Variants in GOLM2 observed in about 807,000 individuals in gnomAD.
GOLM2 encodes the protein protein GOLM2.
GOLM2 carries 26 observed loss-of-function variants against 55.9 expected under a neutral mutation model. The ratio of observed to expected loss-of-function variants is 0.47; its 90% CI spans 0.34 to 0.65. GOLM2 has a LOEUF of 0.65. Among genes scored for constraint, GOLM2 ranks in the 30% least tolerant of loss-of-function variants. The pLI is 0.01. For synonymous variants in GOLM2, 165 were observed against 194.6 expected, an observed-to-expected ratio of 0.85 and a Z score of 1.27; for missense variants, 486 against 531.8, an observed-to-expected ratio of 0.91 and a Z score of 0.85.
intron 6 of GOLM2, among the ~76,000 whole-genome samples, chr15:44,360,356 A>T (rs2079228939): frequency 6.6e-6 from 1 of 152,214 alleles, no homozygotes; most frequent in African/African-American, 2.4e-5. Flanking sequence ...GCATGGAGAA[A>T]GATCTACCAA....
intron 6 of GOLM2, among the ~76,000 whole-genome samples, chr15:44,341,676 C>T (rs1439790505): frequency 1.3e-5 from 2 of 149,644 alleles, no homozygotes; most frequent in African/African-American, 4.9e-5. Context: ...AAAAAGTACA[C>T]AACAATTTTA....
intron 6 of GOLM2, chr15:44,355,554 T>C: frequency 6.1e-6 from 1 of 163,854 alleles, no homozygotes; most frequent in South Asian, 1.4e-4. Flanking sequence ...ACGGTGACAC[T>C]CCCTCTTCCA....
chr15:44,333,862 C>G (rs1356629651), intron 4 of GOLM2, among the ~76,000 whole-genome samples: 1 of 152,018 alleles, frequency 6.6e-6, no homozygotes, highest in Non-Finnish European at 1.5e-5. Context: ...ACTACAGGCA[C>G]CTGCCACCAC....
chr15:44,288,991 C>T lies in GOLM2; in HGVS notation c.-39C>T, dbSNP rs2078700271. 3.2e-6 allele frequency: 5 copies of T among 1,556,616 alleles called. No homozygotes were observed. The African/African-American group carries it at 6.8e-5, about 21-fold the overall frequency. The stretch of plus-strand genomic sequence containing the variant: ...GGCCTGGGCTTCTGCCTGCAGGTGT[C>T]TGCGGCGAGGCCCCTAGGGTACAGC... On this transcript the variant is annotated 5_prime_UTR_variant, in exon 1 of 10. Coordinates refer to ENST00000299957, the MANE Select transcript of GOLM2 (RefSeq NM_138423.4).
chr15:44,338,449 C>A, intron 6 of GOLM2, 132 bp downstream of exon 6: 1 of 641,688 alleles, frequency 1.6e-6, no homozygotes, highest in Non-Finnish European at 2.5e-6. Context: ...TAATTAAGTA[C>A]CCATTAATTG....
At position 44,288,844 on chromosome 15, in the gene GOLM2, G is replaced by T; in HGVS notation, c.-186G>T. The T allele has an allele frequency of 5.0e-6, 3 of 595,004 alleles. 1 individual carries two copies. The South Asian group carries it at 6.1e-5, about 12-fold the overall frequency. The allele number at this position is 595,004 out of a possible 1,614,324, so 36.9% of individuals were successfully genotyped here. ...ACGCGTTTTGGCCTGATTTGAGGAG[G>T]GGGGCGGGGAGGGACCTGCGGCTTG... On this transcript the variant is annotated 5_prime_UTR_variant, in exon 1 of 10. Coordinates refer to ENST00000299957, the MANE Select transcript of GOLM2 (RefSeq NM_138423.4).
intron 6 of GOLM2, among the ~76,000 whole-genome samples, chr15:44,343,931 G>A (rs1231110129): frequency 6.6e-6 from 1 of 151,886 alleles, no homozygotes; most frequent in Non-Finnish European, 1.5e-5. Flanking sequence ...AGAAATTATG[G>A]TAGAGCAATG....
intron 6 of GOLM2, among the ~76,000 whole-genome samples, chr15:44,377,447 T>C (rs552015648): frequency 9.2e-5 from 14 of 152,338 alleles, no homozygotes; most frequent in Admixed American, 6.5e-5. Flanking sequence ...CTTGGCTCAT[T>C]GCAACCTCCA....
At chr15:44,367,684 A>G (rs1017814849) in intron 6 of GOLM2, among the ~76,000 whole-genome samples, 6 of 151,568 alleles carry the variant, frequency 4.0e-5, no homozygotes, top group African/African-American at 1.5e-4. Flanking sequence ...AGTCCCAGCT[A>G]CTCGTGAGGC....
intron 6 of GOLM2, among the ~76,000 whole-genome samples, chr15:44,371,627 AT>A (rs2079329919): frequency 6.6e-6 from 1 of 152,226 alleles, no homozygotes; most frequent in Non-Finnish European, 1.5e-5. Context: ...ATGTTTCAGA[AT>A]GATTAATATT....
intron 6 of GOLM2, among the ~76,000 whole-genome samples, chr15:44,371,281 G>A (rs1158231686): frequency 5.9e-5 from 9 of 152,174 alleles, no homozygotes; most frequent in Non-Finnish European, 1.3e-4. Flanking sequence ...ACAAACAGCT[G>A]CCTCATGTAT....
chr15:44,367,140 C>G (rs985294559), intron 6 of GOLM2, among the ~76,000 whole-genome samples: 7 of 151,270 alleles, frequency 4.6e-5, no homozygotes, highest in African/African-American at 1.5e-4. Context: ...TATATATTGC[C>G]TATGGTTGCT....
intron 6 of GOLM2, among the ~76,000 whole-genome samples, chr15:44,372,997 C>T (rs1389704736): frequency 1.3e-5 from 2 of 152,216 alleles, no homozygotes; most frequent in Admixed American, 6.5e-5. Context: ...AGCCTCCCAC[C>T]ACTCTCTATC....
chr15:44,306,984 A>G (rs1351331160), intron 1 of GOLM2, among the ~76,000 whole-genome samples: 4 of 152,198 alleles, frequency 2.6e-5, no homozygotes, highest in African/African-American at 7.2e-5. Context: ...ACCATGACAG[A>G]TGTAATAAAG....
chr15:44,306,290 T>C (rs1386779748), intron 1 of GOLM2, among the ~76,000 whole-genome samples: 6 of 152,174 alleles, frequency 3.9e-5, no homozygotes, highest in Admixed American at 3.9e-4. Context: ...TGCACCTTTA[T>C]GTTATGGAGA....
chr15:44,383,479 A>G (rs907396282), intron 8 of GOLM2, among the ~76,000 whole-genome samples: 1 of 151,980 alleles, frequency 6.6e-6, no homozygotes, highest in African/African-American at 2.4e-5. Flanking sequence ...TATCGTTTTT[A>G]TAAGGTATTT....
chr15:44,324,436 T>C (rs1016015830), intron 2 of GOLM2, among the ~76,000 whole-genome samples: 1 of 152,172 alleles, frequency 6.6e-6, no homozygotes, highest in Non-Finnish European at 1.5e-5. Flanking sequence ...CTCTTAAATT[T>C]GAATTTAAAA....
chr15:44,315,640 CAAAT>C (rs200637005), intron 1 of GOLM2, among the ~76,000 whole-genome samples: 156 of 152,136 alleles, frequency 1.0e-3, no homozygotes, highest in African/African-American at 3.3e-3. Context: ...CTGAGGAAAA[CAAAT>C]AAAGAGCATA....
intron 6 of GOLM2, among the ~76,000 whole-genome samples, chr15:44,340,092 G>T (rs1248045901): frequency 6.6e-6 from 1 of 152,090 alleles, no homozygotes; most frequent in Non-Finnish European, 1.5e-5. Flanking sequence ...AAAATGCAGG[G>T]ATTACAAGCA....
Sources: gnomAD v4.1 joint callset for allele counts (sites outside exome capture counted in the v4.1 genomes callset) on GRCh38, gnomAD v4.1.1 for gene constraint, MANE v1.5 for transcripts, NCBI Gene and HGNC (gene_info 2026-07-23, HGNC 2026-07-21) for gene names.